PGAP1: variants seen among roughly 807,000 people sequenced by gnomAD.
The protein encoded by PGAP1 is GPI inositol-deacylase.
Under a neutral mutation model 127.0 loss-of-function variants are expected in PGAP1, and 76 were observed. The observed-to-expected ratio is 0.60, with a 90% confidence interval of 0.50 to 0.72. The LOEUF (loss-of-function observed/expected upper bound fraction) is 0.72, where lower values mean the gene tolerates loss of function less well. Ranked by LOEUF, PGAP1 falls within the 30% of genes least tolerant of loss-of-function variation. PGAP1 has a pLI of 0.00. For missense variants in PGAP1, 982 were observed against 1,071.3 expected, an observed-to-expected ratio of 0.92 and a Z score of 1.16; for synonymous variants, 362 against 366.5, an observed-to-expected ratio of 0.99 and a Z score of 0.14.
At chr2:196,867,262 T>G (rs149799637) in intron 19 of PGAP1, among the ~76,000 whole-genome samples, 3,686 of 152,302 alleles carry the variant, frequency 0.024, 141 homozygotes, top group African/African-American at 0.085. Context: ...AAAGAAAATG[T>G]GGCACATATA....
In PGAP1 at chr2:196,842,836, A is replaced by T. The variant is rs1700451921; in HGVS notation, c.2526-11T>A. 7.8e-7 allele frequency: 1 copy of T among 1,275,820 alleles called. No homozygotes were observed. 79.0% of individuals were successfully genotyped at this position (1,275,820 alleles called of 1,614,324 possible). ...AGTTTAAAATAATACCTATAATATTAAAAAAAGAAACCCACAAATCAACAA... is the reference window on the plus strand; with the variant it reads ...AGTTTAAAATAATACCTATAATATTTAAAAAAGAAACCCACAAATCAACAA... On this transcript the variant is annotated splice_polypyrimidine_tract_variant and intron_variant, in intron 25 of 26. Transcript: ENST00000354764.
At chr2:196,904,359 T>G (rs1427794758) in intron 4 of PGAP1, among the ~76,000 whole-genome samples, 1 of 152,142 alleles carries the variant, frequency 6.6e-6, no homozygotes, top group Non-Finnish European at 1.5e-5. Context: ...AGCTTAGGAT[T>G]CTACATACCT....
intron 12 of PGAP1, among the ~76,000 whole-genome samples, 191 bp downstream of exon 12, chr2:196,885,232 AT>A (rs1351410328): frequency 2.6e-5 from 4 of 152,222 alleles, no homozygotes; most frequent in Non-Finnish European, 4.4e-5. Context: ...AGTAAAAAAA[AT>A]ATAAATAACA....
rs1553602962 is a variant in PGAP1 at position 196,890,784 on chromosome 2, C to A, written c.1173+44G>T. 14 of 1,115,210 alleles carry A rather than the reference C, an allele frequency of 1.3e-5. No homozygotes were observed. In the South Asian group the frequency reaches 1.5e-4, roughly 12 times the overall value. 69.1% of individuals were successfully genotyped at this position (1,115,210 alleles called of 1,614,324 possible). On this transcript the variant is annotated intron_variant, in intron 10 of 26. Coordinates refer to ENST00000354764, the MANE Select transcript of PGAP1 (RefSeq NM_024989.4). ...CCAGTAGAATTTGAAAAATGAACAACAGTTAGCCTCTTAAATTTACATAAA... is the reference window on the plus strand; with the variant it reads ...CCAGTAGAATTTGAAAAATGAACAAAAGTTAGCCTCTTAAATTTACATAAA...
At chr2:196,846,937 G>C (rs1700571077) in intron 22 of PGAP1, 66 bp downstream of exon 22, 1 of 1,294,528 alleles carries the variant, frequency 7.7e-7, no homozygotes, top group Non-Finnish European at 1.1e-6. Flanking sequence ...TTAATTTCAG[G>C]TTCCTTATCA....
chr2:196,834,514 T>C lies in PGAP1; in HGVS notation c.*6720A>G, dbSNP rs906635306. On this transcript the variant is annotated 3_prime_UTR_variant, in exon 27 of 27. Transcript: ENST00000354764. Reference sequence around the variant, plus strand: ...TTCAAGGTCACAGTGATGATATATATTCAATTTTGGTCTGGTTTCTCATGG... The same window carrying C: ...TTCAAGGTCACAGTGATGATATATACTCAATTTTGGTCTGGTTTCTCATGG... 1 of 152,454 alleles carries C rather than the reference T, an allele frequency of 6.6e-6. No homozygotes were observed. The highest frequency in any genetic ancestry group is 1.5e-5 in the Non-Finnish European group (1 of 67,904). The allele number at this position is 152,454 out of a possible 1,614,324, so 9.4% of individuals were successfully genotyped here.
intron 19 of PGAP1, among the ~76,000 whole-genome samples, chr2:196,869,819 T>A (rs1701357375): frequency 6.6e-6 from 1 of 152,252 alleles, no homozygotes; most frequent in Non-Finnish European, 1.5e-5. Flanking sequence ...TTAAATGAGA[T>A]AATGCATATA....
chr2:196,874,683 G>A (rs1426305217), intron 14 of PGAP1, among the ~76,000 whole-genome samples: 1 of 152,080 alleles, frequency 6.6e-6, no homozygotes, highest in Non-Finnish European at 1.5e-5. Flanking sequence ...TGCTTCTGTG[G>A]TATTTTGGCA....
intron 12 of PGAP1, 105 bp from the exon 13 acceptor site, chr2:196,880,258 G>A (rs1701690641): frequency 1.4e-6 from 1 of 710,112 alleles, no homozygotes; most frequent in African/African-American, 1.9e-5. Flanking sequence ...ATCTTAAAAA[G>A]CAGGCTTCCA....
At chr2:196,842,847 C>A in intron 25 of PGAP1, 22 bp from the exon 26 acceptor site, 2 of 1,187,170 alleles carry the variant, frequency 1.7e-6, no homozygotes, top group Non-Finnish European at 2.4e-6. Context: ...AAAAAAGAAA[C>A]CCACAAATCA....
chr2:196,866,740 T>C (rs948446180), intron 19 of PGAP1, among the ~76,000 whole-genome samples: 2 of 151,366 alleles, frequency 1.3e-5, no homozygotes, highest in Non-Finnish European at 2.9e-5. Flanking sequence ...AGGGCTAACA[T>C]CCAAAATCTA....
Position 196,897,116 on chromosome 2 carries a change from T to C in PGAP1, c.927+15A>G, listed in dbSNP as rs1422667832. 7.0e-6 allele frequency: 10 copies of C among 1,424,888 alleles called. 1 individual carries two copies. Among genetic ancestry groups the C allele is most frequent in the Middle Eastern group, 1.8e-4 (1 of 5,570 alleles). 88.3% of individuals were successfully genotyped at this position (1,424,888 alleles called of 1,614,324 possible). A position where few individuals can be genotyped will look rare whatever the true frequency, so the allele number is the denominator to read the frequency against. ...AAGCTTTCATTTAAATAATTTTTAG[T>C]TTAAAAATACATACTTGTTTAGTAT... On this transcript the variant is annotated intron_variant, in intron 7 of 26. Coordinates refer to ENST00000354764, the MANE Select transcript of PGAP1 (RefSeq NM_024989.4).
At chr2:196,882,324 C>T (rs1299479006) in intron 12 of PGAP1, among the ~76,000 whole-genome samples, 3 of 152,076 alleles carry the variant, frequency 2.0e-5, no homozygotes, top group Admixed American at 1.3e-4. Flanking sequence ...ATTGGTTTGG[C>T]TTTACTGAGC....
At chr2:196,867,431 CAT>C (rs1467617690) in intron 19 of PGAP1, among the ~76,000 whole-genome samples, 1 of 152,104 alleles carries the variant, frequency 6.6e-6, no homozygotes, top group Non-Finnish European at 1.5e-5. Context: ...ACAATGAGAA[CAT>C]ATGGACACAG....
intron 1 of PGAP1, 113 bp downstream of exon 1, chr2:196,926,357 G>A: frequency 6.6e-7 from 1 of 1,525,058 alleles, no homozygotes. Flanking sequence ...GCGAGGACGG[G>A]ACAGGGGGCC....
chr2:196,857,150 T>A (rs539459360), intron 20 of PGAP1, among the ~76,000 whole-genome samples: 6 of 152,322 alleles, frequency 3.9e-5, no homozygotes, highest in South Asian at 2.1e-4. Flanking sequence ...GAAAACCCCA[T>A]AGTCTCGGCT....
intron 3 of PGAP1, among the ~76,000 whole-genome samples, 174 bp from the exon 4 acceptor site, chr2:196,913,227 A>G (rs746688787): frequency 1.3e-5 from 2 of 152,226 alleles, no homozygotes; most frequent in Admixed American, 6.5e-5. Flanking sequence ...TAGTGTATAC[A>G]TACTATTTTG....
rs1337628147 is a variant in PGAP1 at position 196,912,895 on chromosome 2, A to G, written c.636T>C (p.Asp212=). ...TPHVAPVMPL[D]RFITDFYTTV... ...AACAGTACTCACCTGTAATGAAACGATCTAATGGCATCACAGGAGCAACAT... is the reference window on the plus strand; with the variant it reads ...AACAGTACTCACCTGTAATGAAACGGTCTAATGGCATCACAGGAGCAACAT... Residue 212 remains aspartate (D), a synonymous_variant, in exon 4 of 27, where the codon GAT becomes GAC. Coordinates refer to ENST00000354764, the MANE Select transcript of PGAP1 (RefSeq NM_024989.4). 6.2e-7 allele frequency: 1 copy of G among 1,610,464 alleles called. No homozygotes were observed. Among genetic ancestry groups the G allele is most frequent in the Non-Finnish European group, 8.5e-7 (1 of 1,178,660 alleles).
chr2:196,904,509 G>A (rs636088), intron 4 of PGAP1, among the ~76,000 whole-genome samples: 8 of 152,098 alleles, frequency 5.3e-5, no homozygotes, highest in African/African-American at 9.7e-5. Context: ...AGGCCGAGGC[G>A]GGCGGATCAT....
Sources: allele counts gnomAD v4.1 joint callset (sites outside exome capture counted in the v4.1 genomes callset), GRCh38; gene constraint gnomAD v4.1.1; transcripts MANE v1.5; gene names NCBI Gene and HGNC (gene_info 2026-07-23, HGNC 2026-07-21).